Variants in SKI observed in about 807,000 individuals in gnomAD.
SKI encodes the protein SKI proto-oncogene, also known as ski oncogene.
Under a neutral mutation model 59.3 loss-of-function variants are expected in SKI, and 23 were observed. The ratio of observed to expected loss-of-function variants is 0.39; its 90% CI spans 0.28 to 0.55. The LOEUF (loss-of-function observed/expected upper bound fraction) is 0.55, where lower values mean the gene tolerates loss of function less well. SKI is among the 20% of genes least tolerant of loss of function. The pLI, the probability that SKI is intolerant of heterozygous loss-of-function variation, is 0.67. For missense variants in SKI, 1,017 were observed against 1,038.9 expected, an observed-to-expected ratio of 0.98 and a Z score of 0.29; for synonymous variants, 673 against 488.6, an observed-to-expected ratio of 1.38 and a Z score of -4.98.
At position 2,296,261 on chromosome 1, in the gene SKI, G is replaced by A. The variant is rs1339066633; in HGVS notation, c.970-6717G>A. The stretch of plus-strand genomic sequence containing the variant: ...AAACAAAAAATTAGCTGGGCATGGT[G>A]GCACATGCTTGTAGTCCCAGCTACT... On this transcript the variant is annotated intron_variant, in intron 1 of 6. Transcript: ENST00000378536. Among the ~76,000 whole-genome samples, 36 of 152,020 alleles carry A rather than the reference G, an allele frequency of 2.4e-4. 1 individual carries two copies. The highest frequency in any genetic ancestry group is 2.4e-3 in the Admixed American group (36 of 15,256).
chr1:2,249,203 GGGCC>G (rs1639065092), intron 1 of SKI, among the ~76,000 whole-genome samples: 1 of 152,234 alleles, frequency 6.6e-6, no homozygotes, highest in African/African-American at 2.4e-5. Context: ...TGTCTGACCT[GGGCC>G]TGGGCATCAG....
At chr1:2,292,222 T>C (rs1640176918) in intron 1 of SKI, among the ~76,000 whole-genome samples, 1 of 152,210 alleles carries the variant, frequency 6.6e-6, no homozygotes, top group Non-Finnish European at 1.5e-5. Context: ...CTTGCCCTGC[T>C]CAGGGCTGCA....
At chr1:2,240,710 G>A in intron 1 of SKI, 1 of 985,464 alleles carries the variant, frequency 1.0e-6, no homozygotes, top group South Asian at 4.7e-5. Context: ...GACAGTTCTA[G>A]ATCCAGGAGA....
chr1:2,261,930 G>A (rs1326219136), intron 1 of SKI, among the ~76,000 whole-genome samples: 1 of 137,946 alleles, frequency 7.2e-6, no homozygotes, highest in Non-Finnish European at 1.5e-5. Flanking sequence ...GGAGTGGTGG[G>A]AGTGGACGCC....
At chr1:2,256,420 C>T (rs572450102) in intron 1 of SKI, among the ~76,000 whole-genome samples, 1 of 152,388 alleles carries the variant, frequency 6.6e-6, no homozygotes, top group East Asian at 1.9e-4. Flanking sequence ...TCTCTGGCTG[C>T]TCCGTCCTTG....
intron 1 of SKI, among the ~76,000 whole-genome samples, chr1:2,282,960 C>G (rs1639941332): frequency 1.3e-5 from 2 of 152,192 alleles, no homozygotes; most frequent in South Asian, 4.1e-4. Flanking sequence ...CCTGTGTGCA[C>G]CTGGCCCGCT....
rs1245526698 is a variant in SKI at position 2,237,790 on chromosome 1, C to T, written c.969+8055C>T. 5.3e-5 allele frequency among the ~76,000 whole-genome samples: 8 copies of T among 152,242 alleles called. No homozygotes were observed. In the South Asian group the frequency reaches 8.3e-4, roughly 16 times the overall value. Reference sequence around the variant, plus strand: ...GTTGAGGGAACGTGTCTGTCCTTAGCGTGGAGGCCAGTCTGGCCGGGTGCT... The same window carrying T: ...GTTGAGGGAACGTGTCTGTCCTTAGTGTGGAGGCCAGTCTGGCCGGGTGCT... On this transcript the variant is annotated intron_variant, in intron 1 of 6. Transcript: ENST00000378536.
chr1:2,251,173 C>T (rs1447488476), intron 1 of SKI, among the ~76,000 whole-genome samples: 2 of 152,064 alleles, frequency 1.3e-5, no homozygotes, highest in Admixed American at 6.5e-5. Context: ...CGTGTAGTAG[C>T]GCTGCGGACC....
chr1:2,279,265 G>C (rs1639817010), intron 1 of SKI, among the ~76,000 whole-genome samples: 1 of 152,250 alleles, frequency 6.6e-6, no homozygotes, highest in Non-Finnish European at 1.5e-5. Context: ...TAGACGCCCT[G>C]AGGAGGCAGG....
chr1:2,240,621 C>T lies in SKI; in HGVS notation c.969+10886C>T, dbSNP rs183709201. On this transcript the variant is annotated intron_variant, in intron 1 of 6. Coordinates refer to ENST00000378536, the MANE Select transcript of SKI (RefSeq NM_003036.4). ...TTAAGAAGCAGAGTTCTCTTTAGCC[C>T]GAAGTAACCATACAGCATTAACAAG... The T allele has an allele frequency of 8.5e-5, 84 of 985,374 alleles. No individual in the cohort carries two copies. The African/African-American group carries it at 8.9e-4, about 10-fold the overall frequency. The allele number at this position is 985,374 out of a possible 1,614,324, so 61.0% of individuals were successfully genotyped here. A position where few individuals can be genotyped will look rare whatever the true frequency, so the allele number is the denominator to read the frequency against.
chr1:2,240,586 CAA>C lies in SKI; in HGVS notation c.969+10852_969+10853del, dbSNP rs1408381313. The C allele has an allele frequency of 1.4e-5, 14 of 985,274 alleles. No individual in the cohort carries two copies. The East Asian group carries it at 3.4e-4, about 24-fold the overall frequency. 61.0% of individuals were successfully genotyped at this position (985,274 alleles called of 1,614,324 possible). A position where few individuals can be genotyped will look rare whatever the true frequency, so the allele number is the denominator to read the frequency against. On this transcript the variant is annotated intron_variant, in intron 1 of 6. Coordinates refer to ENST00000378536, the MANE Select transcript of SKI (RefSeq NM_003036.4). ...CATCGAGGCTCCCAGAAGAAGAAAT[CAA>C]GAGGATTTTAAGAAGCAGAGTTCTC...
intron 1 of SKI, among the ~76,000 whole-genome samples, chr1:2,301,241 C>A (rs183260385): frequency 6.6e-6 from 1 of 152,234 alleles, no homozygotes; most frequent in Admixed American, 6.5e-5. Flanking sequence ...CAGCACCCTG[C>A]GGTCAGGGCC....
At chr1:2,243,005 A>G (rs960614815) in intron 1 of SKI, among the ~76,000 whole-genome samples, 2 of 152,254 alleles carry the variant, frequency 1.3e-5, no homozygotes, top group African/African-American at 4.8e-5. Context: ...AAACGCAGAC[A>G]TGGGTGAGGG....
chr1:2,237,814 C>T (rs1167993958), intron 1 of SKI, among the ~76,000 whole-genome samples: 1 of 152,264 alleles, frequency 6.6e-6, no homozygotes, highest in Non-Finnish European at 1.5e-5. Context: ...TGGCCGGGTG[C>T]TGAGCTCGTC....
At chr1:2,302,519 G>A (rs898374772) in intron 1 of SKI, among the ~76,000 whole-genome samples, 12 of 152,090 alleles carry the variant, frequency 7.9e-5, no homozygotes, top group African/African-American at 1.9e-4. Flanking sequence ...AGTGGCTCTC[G>A]CCGTGCTGTG....
chr1:2,300,302 T>G (rs1640393438), intron 1 of SKI, among the ~76,000 whole-genome samples: 1 of 152,232 alleles, frequency 6.6e-6, no homozygotes, highest in Non-Finnish European at 1.5e-5. Flanking sequence ...TGCAGGCCTA[T>G]CCAGGCCCAG....
chr1:2,245,723 G>A (rs11580750), intron 1 of SKI, among the ~76,000 whole-genome samples: 11,463 of 149,390 alleles, frequency 0.077, 530 homozygotes, highest in Middle Eastern at 0.16. Flanking sequence ...TGACCTGCCC[G>A]CCTTGGCCTC....
At chr1:2,273,186 G>A (rs1569781065) in intron 1 of SKI, among the ~76,000 whole-genome samples, 1 of 152,214 alleles carries the variant, frequency 6.6e-6, no homozygotes, top group Non-Finnish European at 1.5e-5. Flanking sequence ...CCTTGGCCAT[G>A]CTGCCTTCTC....
chr1:2,294,733 T>G (rs970975126), intron 1 of SKI, among the ~76,000 whole-genome samples: 1 of 152,162 alleles, frequency 6.6e-6, no homozygotes, highest in Non-Finnish European at 1.5e-5. Flanking sequence ...TAGCTGCTTC[T>G]CACATTTTTG....
Sources: allele counts gnomAD v4.1 joint callset (sites outside exome capture counted in the v4.1 genomes callset), GRCh38; gene constraint gnomAD v4.1.1; transcripts MANE v1.5; gene names NCBI Gene and HGNC (gene_info 2026-07-23, HGNC 2026-07-21).